The following PRRC2B variants were observed in gnomAD, a reference collection of about 807,000 sequenced individuals.
PRRC2B encodes the protein protein PRRC2B.
A neutral mutation model predicts 242.3 loss-of-function variants in PRRC2B; 68 were observed. The observed-to-expected ratio is 0.28, with a 90% confidence interval of 0.23 to 0.34. PRRC2B has a LOEUF of 0.34. PRRC2B is among the 10% of genes least tolerant of loss of function. The probability of loss-of-function intolerance (pLI) is 1.00; values close to 1 mark genes in which losing one functional copy is unlikely to be tolerated. For missense variants in PRRC2B, 2,835 were observed against 2,954.8 expected (o/e 0.96, Z 0.94); for synonymous variants, 1,228 against 1,173.6 (o/e 1.05, Z -0.95).
chr9:131,407,862 C>T (rs1837406756), intron 1 of PRRC2B, among the ~76,000 whole-genome samples: 1 of 152,114 alleles, frequency 6.6e-6, no homozygotes, highest in Admixed American at 6.5e-5. Flanking sequence ...CCCTTATCTG[C>T]AAATAGGGGG....
At chr9:131,393,822 G>C (rs1323196118), upstream of PRRC2B, among the ~76,000 whole-genome samples, 5 of 149,988 alleles carry the variant, frequency 3.3e-5, no homozygotes, top group African/African-American at 1.2e-4. Flanking sequence ...GCTCTGCCCC[G>C]TTCTCTCCCG....
Position 131,410,723 on chromosome 9 carries a change from CTTTTCTTTTTTT to C in PRRC2B, c.-52+16461_-52+16472del, listed in dbSNP as rs1204820972. Among the ~76,000 whole-genome samples the C allele has an allele frequency of 3.3e-5, 5 of 152,050 alleles. 1 individual carries two copies. Among genetic ancestry groups the C allele is most frequent in the Admixed American group, 6.6e-5 (1 of 15,260 alleles). ...AAGGAACTAATTTTATTCATTTTTT[CTTTTCTTTTTTT>C]CCTTGTGGACCTCACCTGACTGGAG... On this transcript the variant is annotated intron_variant, in intron 1 of 31. Coordinates refer to ENST00000683519, the MANE Select transcript of PRRC2B (RefSeq NM_013318.4).
intron 1 of PRRC2B, among the ~76,000 whole-genome samples, chr9:131,387,280 C>T (rs1293682866): frequency 1.3e-5 from 2 of 150,072 alleles, no homozygotes; most frequent in African/African-American, 2.4e-5. Context: ...GGATTACAGG[C>T]GTGAGCCACC....
At chr9:131,385,653 C>T (rs1836816168) in intron 1 of PRRC2B, among the ~76,000 whole-genome samples, 1 of 150,750 alleles carries the variant, frequency 6.6e-6, no homozygotes, top group South Asian at 2.1e-4. Context: ...GTTATCTTAG[C>T]AGCATGCCTG....
rs148846254 is a variant in PRRC2B at position 131,494,275 on chromosome 9, G to A, written c.6474-130G>A. The A allele has an allele frequency of 7.4e-4, 447 of 606,786 alleles. 4 individuals are homozygous for A. The African/African-American group carries it at 7.4e-3, about 10-fold the overall frequency. The allele number at this position is 606,786 out of a possible 1,614,324, so 37.6% of individuals were successfully genotyped here. On this transcript the variant is annotated intron_variant, in intron 30 of 31. Coordinates refer to ENST00000683519, the MANE Select transcript of PRRC2B (RefSeq NM_013318.4). The surrounding 1 kb of genome is among the most constrained non-coding windows in gnomAD (Gnocchi z 4.3). Reference sequence around the variant, plus strand: ...GTTGTTTTCCATCCAAGAGATCCACGGACCGTCCCGAGTGAGCGCCTCTGG... The same window carrying A: ...GTTGTTTTCCATCCAAGAGATCCACAGACCGTCCCGAGTGAGCGCCTCTGG...
chr9:131,490,380 C>G (rs2131480966), intron 28 of PRRC2B: 3 of 504,102 alleles, frequency 6.0e-6, no homozygotes, highest in South Asian at 4.4e-5. Context: ...GATCATACCC[C>G]AAGTCAGCAC....
chr9:131,403,648 C>T (rs1455831558), intron 1 of PRRC2B, among the ~76,000 whole-genome samples: 1 of 140,110 alleles, frequency 7.1e-6, no homozygotes. Context: ...AGCCACTGCG[C>T]CTGGCCCATA....
chr9:131,429,840 C>T (rs762648144), intron 1 of PRRC2B, among the ~76,000 whole-genome samples: 4 of 152,022 alleles, frequency 2.6e-5, no homozygotes, highest in African/African-American at 9.7e-5. Context: ...GAGGAATTAA[C>T]AGCAGGTGGG....
chr9:131,483,517 A>C lies in PRRC2B; in HGVS notation c.5460+72A>C, dbSNP rs1943932494. On this transcript the variant is annotated intron_variant, in intron 23 of 31. Coordinates refer to ENST00000683519, the MANE Select transcript of PRRC2B (RefSeq NM_013318.4). ...GCAGGCCCTGGGTGAAGGAGACAGC[A>C]CATGTATTTCAGGCTGACCTGGGCT... The C allele has an allele frequency of 5.9e-6, 8 of 1,355,716 alleles. No homozygotes were observed. In the Admixed American group the frequency reaches 1.3e-4, roughly 23 times the overall value. 84.0% of individuals were successfully genotyped at this position (1,355,716 alleles called of 1,614,324 possible).
chr9:131,383,826 T>C (rs1836792929), intron 1 of PRRC2B, among the ~76,000 whole-genome samples: 1 of 151,938 alleles, frequency 6.6e-6, no homozygotes, highest in East Asian at 1.9e-4. Context: ...TTTCACTGTG[T>C]TAGCCAGGAT....
chr9:131,474,718 G>A lies in PRRC2B; in HGVS notation c.2589G>A (p.Glu863=). The A allele has an allele frequency of 6.2e-7, 1 of 1,612,506 alleles. No homozygotes were observed. Among genetic ancestry groups the A allele is most frequent in the South Asian group, 1.1e-5 (1 of 90,806 alleles). Residue 863 remains glutamate, a synonymous_variant, in exon 16 of 32, where the codon GAG becomes GAA. Coordinates refer to ENST00000683519, the MANE Select transcript of PRRC2B (RefSeq NM_013318.4). ...TGGAGCCTGACTTTGTCCCAGATGA[G>A]AAAAAGCCAGAGTGTGGCAGTTGGG... The part of the protein sequence containing the change: ...SPLEPDFVPD[E]KKPECGSWDV...
At chr9:131,411,627 G>A (rs1224227324) in intron 1 of PRRC2B, among the ~76,000 whole-genome samples, 1 of 152,112 alleles carries the variant, frequency 6.6e-6, no homozygotes, top group Non-Finnish European at 1.5e-5. Context: ...ACAGGCATGA[G>A]CCACTGCGCC....
intron 1 of PRRC2B, among the ~76,000 whole-genome samples, chr9:131,395,220 G>T (rs557101151): frequency 6.6e-6 from 1 of 152,206 alleles, no homozygotes; most frequent in East Asian, 1.9e-4. Flanking sequence ...CTTCCTGGGA[G>T]AAATCTTTAA....
At position 131,475,129 on chromosome 9, in the gene PRRC2B, C is replaced by A; in HGVS notation, c.3000C>A (p.Thr1000=). Residue 1000 remains threonine, a synonymous_variant, in exon 16 of 32, where the codon ACC becomes ACA. Coordinates refer to ENST00000683519, the MANE Select transcript of PRRC2B (RefSeq NM_013318.4). ...ENDASLANSS[T]TTLEDKGPGH... ...ATGCCTCTCTGGCCAACTCCTCCACCACCACTTTGGAGGACAAAGGCCCTG... is the reference window on the plus strand; with the variant it reads ...ATGCCTCTCTGGCCAACTCCTCCACAACCACTTTGGAGGACAAAGGCCCTG... 6.2e-7 allele frequency: 1 copy of A among 1,612,538 alleles called. No individual in the cohort carries two copies. The highest frequency in any genetic ancestry group is 8.5e-7 in the Non-Finnish European group (1 of 1,179,282).
At chr9:131,416,394 A>C (rs868482662) in intron 1 of PRRC2B, among the ~76,000 whole-genome samples, 1 of 152,170 alleles carries the variant, frequency 6.6e-6, no homozygotes, top group African/African-American at 2.4e-5. Flanking sequence ...GGTGTGAGCC[A>C]CTGCGCCTGG....
upstream of PRRC2B, among the ~76,000 whole-genome samples, chr9:131,390,385 C>A (rs116973749): frequency 3.6e-3 from 530 of 149,288 alleles, 27 homozygotes; most frequent in Non-Finnish European, 6.5e-3. Flanking sequence ...TGACTGCATG[C>A]CATTCTCTCC....
At chr9:131,430,531 C>G (rs559158960) in intron 2 of PRRC2B, among the ~76,000 whole-genome samples, 2,377 of 132,434 alleles carry the variant, frequency 0.018, 30 homozygotes, top group Middle Eastern at 0.046. Flanking sequence ...AGATAGATAT[C>G]TATCTATAGA....
At chr9:131,380,462 C>G (rs1338653212) in intron 1 of PRRC2B, among the ~76,000 whole-genome samples, 1 of 151,244 alleles carries the variant, frequency 6.6e-6, no homozygotes, top group Non-Finnish European at 1.5e-5. Flanking sequence ...GCCTGTAATC[C>G]CAGCTACTTG....
In PRRC2B at chr9:131,464,870, G is replaced by A. The variant is rs1172816128; in HGVS notation, c.1512G>A (p.Glu504=). Residue 504 remains glutamate, a synonymous_variant, in exon 12 of 32, where the codon GAG becomes GAA. Transcript: ENST00000683519. ...FIQSEMSEAV[E]RARKRREEEE... ...AGTCAGAGATGTCCGAGGCGGTGGAGCGAGCCCGAAAGCGCCGGGAAGAAG... is the reference window on the plus strand; with the variant it reads ...AGTCAGAGATGTCCGAGGCGGTGGAACGAGCCCGAAAGCGCCGGGAAGAAG... 5 of 1,613,634 alleles carry A rather than the reference G, an allele frequency of 3.1e-6. No homozygotes were observed. Among genetic ancestry groups the A allele is most frequent in the Non-Finnish European group, 4.2e-6 (5 of 1,179,842 alleles).
Sources: gnomAD v4.1 joint callset for allele counts (sites outside exome capture counted in the v4.1 genomes callset) on GRCh38, gnomAD v4.1.1 for gene constraint, Gnocchi (gnomAD v3.1) non-coding constraint, MANE v1.5 for transcripts, NCBI Gene and HGNC (gene_info 2026-07-23, HGNC 2026-07-21) for gene names.